Variants in MADD observed in about 807,000 individuals in gnomAD.
MADD encodes MAP kinase activating death domain, also known as MAP kinase-activating death domain protein.
MADD carries 109 observed loss-of-function variants against 176.7 expected under a neutral mutation model. That is an observed-to-expected ratio of 0.62 (90% CI 0.53 to 0.72). The LOEUF (loss-of-function observed/expected upper bound fraction) is 0.72. Ranked by LOEUF, MADD falls within the 30% of genes least tolerant of loss-of-function variation. The pLI, the probability that MADD is intolerant of heterozygous loss-of-function variation, is 0.00. For synonymous variants in MADD, 771 were observed against 771.3 expected (o/e 1.00, Z 0.01); for missense variants, 1,914 against 2,045.5 (o/e 0.94, Z 1.24).
chr11:47,320,894 C>T (rs2094356501), intron 27 of MADD, among the ~76,000 whole-genome samples: 1 of 152,098 alleles, frequency 6.6e-6, no homozygotes, highest in Non-Finnish European at 1.5e-5. Flanking sequence ...TCAGTCCATC[C>T]TGGGTGACAG....
At chr11:47,297,075 G>A (rs1383237417) in intron 22 of MADD, among the ~76,000 whole-genome samples, 2 of 152,190 alleles carry the variant, frequency 1.3e-5, no homozygotes, top group Admixed American at 6.5e-5. Context: ...GCTTTTTAAT[G>A]TGTATGTGCC....
intron 22 of MADD, among the ~76,000 whole-genome samples, chr11:47,304,142 TCTGA>T (rs1208504371): frequency 4.6e-5 from 7 of 152,178 alleles, no homozygotes; most frequent in South Asian, 2.1e-4. Flanking sequence ...CTTTTTTCCC[TCTGA>T]CTAATTTCGA....
chr11:47,327,943 T>C (rs1407122032), intron 31 of MADD: 2 of 985,198 alleles, frequency 2.0e-6, no homozygotes, highest in Non-Finnish European at 2.4e-6. Flanking sequence ...CACTCTTGCC[T>C]TCTGGGCTGT....
intron 27 of MADD, among the ~76,000 whole-genome samples, chr11:47,318,789 ATTTTTTTTTTTTT>A (rs57548484): frequency 8.5e-5 from 7 of 82,482 alleles, no homozygotes; most frequent in East Asian, 4.1e-4. Flanking sequence ...CAGTTTGGGA[ATTTTTTTTTTTTT>A]TTTTTTTTTT....
At position 47,300,460 on chromosome 11, in the gene MADD, C is replaced by CCT. The variant is rs35594904; in HGVS notation, c.3642+4405_3642+4406insCT. Reference sequence around the variant, plus strand: ...GACCTCAAGTGATCTACCCCCCGCCCGCCCCAAAGTGCTGGGATTACAGGC... The same window carrying CCT: ...GACCTCAAGTGATCTACCCCCCGCCCCTGCCCCAAAGTGCTGGGATTACAGGC... On this transcript the variant is annotated intron_variant, in intron 22 of 32. Coordinates refer to ENST00000402192, the Ensembl canonical transcript of MADD. 2.3e-4 allele frequency among the ~76,000 whole-genome samples: 35 copies of CCT among 149,548 alleles called. No homozygotes were observed. The South Asian group carries it at 2.6e-3, about 11-fold the overall frequency.
intron 22 of MADD, among the ~76,000 whole-genome samples, chr11:47,307,365 G>C (rs906562889): frequency 6.6e-6 from 1 of 152,162 alleles, no homozygotes; most frequent in African/African-American, 2.4e-5. Context: ...GGACAAATTC[G>C]TATTTGTTCT....
At chr11:47,326,242 C>T (rs1310851876) in intron 30 of MADD, among the ~76,000 whole-genome samples, 1 of 152,210 alleles carries the variant, frequency 6.6e-6, no homozygotes, top group African/African-American at 2.4e-5. Context: ...ATATTATTAT[C>T]ACCACATACC....
At position 47,282,614 on chromosome 11, in the gene MADD, A is replaced by G. The variant is rs148237808; in HGVS notation, c.1703A>G (p.Asn568Ser). 7 of 1,613,766 alleles carry G rather than the reference A, an allele frequency of 4.3e-6. No individual in the cohort carries two copies. The African/African-American group carries it at 5.3e-5, about 12-fold the overall frequency. ...AACTATGCCTTTCAGCGAATTCACA[A>G]CAGTGAGTCTACCTGCCCTCTGCTC... Residue 568 changes from asparagine to serine, a missense_variant and splice_region_variant, in exon 9 of 33, where the codon AAC becomes AGC. Transcript: ENST00000402192.
At position 47,290,139 on chromosome 11, in the gene MADD, A is replaced by G. The variant is rs745763841; in HGVS notation, c.2944-10A>G. ...ATTTGCCAACGCTAGCCCCTGGGTTATTGTTGCAGGAGATCAGTCGGAAGG... is the reference window on the plus strand; with the variant it reads ...ATTTGCCAACGCTAGCCCCTGGGTTGTTGTTGCAGGAGATCAGTCGGAAGG... On this transcript the variant is annotated splice_polypyrimidine_tract_variant and intron_variant, in intron 17 of 32. Coordinates refer to ENST00000402192, the Ensembl canonical transcript of MADD. 1 of 1,613,706 alleles carries G rather than the reference A, an allele frequency of 6.2e-7. No individual in the cohort carries two copies. Among genetic ancestry groups the G allele is most frequent in the Non-Finnish European group, 8.5e-7 (1 of 1,179,646 alleles).
chr11:47,274,177 C>G (rs1398795453), intron 2 of MADD, among the ~76,000 whole-genome samples: 2 of 152,178 alleles, frequency 1.3e-5, no homozygotes, highest in Non-Finnish European at 2.9e-5. Context: ...CTAACATCTT[C>G]TTGATGTCGA....
chr11:47,297,814 A>G (rs1181184513), intron 22 of MADD, among the ~76,000 whole-genome samples: 2 of 128,666 alleles, frequency 1.6e-5, no homozygotes, highest in African/African-American at 6.2e-5. Flanking sequence ...TTTGAGATAG[A>G]ATCTTGCTCT....
chr11:47,283,696 C>T lies in MADD; in HGVS notation c.1863-482C>T, dbSNP rs555112763. On this transcript the variant is annotated intron_variant, in intron 10 of 32. Coordinates refer to ENST00000402192, the Ensembl canonical transcript of MADD. ...AAGCGATTCTCTTGCCCCAGCCACCCGAGTAGCTGGGATTACAGGCACATG... is the reference window on the plus strand; with the variant it reads ...AAGCGATTCTCTTGCCCCAGCCACCTGAGTAGCTGGGATTACAGGCACATG... Among the ~76,000 whole-genome samples the T allele has an allele frequency of 3.9e-5, 6 of 152,330 alleles. No individual in the cohort carries two copies. The South Asian group carries it at 8.3e-4, about 21-fold the overall frequency.
intron 22 of MADD, among the ~76,000 whole-genome samples, 193 bp downstream of exon 24, chr11:47,296,248 T>C (rs1450347588): frequency 3.3e-5 from 5 of 152,172 alleles, no homozygotes; most frequent in Non-Finnish European, 1.5e-5. Flanking sequence ...AATCTGGGGC[T>C]TTTAGAACCC....
intron 7 of MADD, among the ~76,000 whole-genome samples, chr11:47,279,408 G>T: frequency 8.0e-6 from 1 of 125,410 alleles, no homozygotes. Flanking sequence ...TTTGAGATGT[G>T]GAGTCTTGCT....
chr11:47,289,598 G>A, intron 16 of MADD, 105 bp downstream of exon 17: 2 of 952,278 alleles, frequency 2.1e-6, no homozygotes, highest in East Asian at 2.4e-5. Context: ...TCTCAATGGG[G>A]TAGATGTAAT....
upstream of MADD, chr11:47,270,098 C>G (rs910009097): frequency 6.6e-6 from 1 of 152,022 alleles, no homozygotes; most frequent in Non-Finnish European, 1.5e-5. Flanking sequence ...CCCGGCCTCC[C>G]CCTCCGCACC....
At chr11:47,281,813 G>A (rs372475235) in intron 8 of MADD, 60 bp downstream of exon 8, 1 of 1,292,908 alleles carries the variant, frequency 7.7e-7, no homozygotes, top group Non-Finnish European at 1.0e-6. Flanking sequence ...GCTCTCTAAG[G>A]GACCTTGGGG....
exon 26 of MADD, chr11:47,311,828 C>G: frequency 1.2e-6 from 2 of 1,612,830 alleles, no homozygotes; most frequent in Non-Finnish European, 1.7e-6. Context: ...GGTGCTTGAT[C>G]AGCTGGCGAA....
chr11:47,321,234 A>G (rs2094426939), intron 27 of MADD, among the ~76,000 whole-genome samples: 1 of 152,186 alleles, frequency 6.6e-6, no homozygotes, highest in Admixed American at 6.5e-5. Flanking sequence ...TTCTTAAAGG[A>G]TTATGAAAGG....
Sources: gnomAD v4.1 joint callset for allele counts (sites outside exome capture counted in the v4.1 genomes callset) on GRCh38, gnomAD v4.1.1 for gene constraint, MANE v1.5 for transcripts, NCBI Gene and HGNC (gene_info 2026-07-23, HGNC 2026-07-21) for gene names.